The following BCAR3 variants were observed in gnomAD, a reference collection of about 807,000 sequenced individuals.
BCAR3 encodes BCAR3 adaptor protein, NSP family member.
In BCAR3, 37 loss-of-function variants were observed where a neutral mutation model predicts 80.1. The ratio of observed to expected loss-of-function variants is 0.46; its 90% CI spans 0.36 to 0.61. The LOEUF (loss-of-function observed/expected upper bound fraction) is 0.61, where lower values mean the gene tolerates loss of function less well. BCAR3 is among the 20% of genes least tolerant of loss of function. The probability of loss-of-function intolerance (pLI) is 0.00; values close to 1 mark genes in which losing one functional copy is unlikely to be tolerated. For missense variants in BCAR3, 978 were observed against 1,068.2 expected, an observed-to-expected ratio of 0.92 and a Z score of 1.18; for synonymous variants, 389 against 418.9, an observed-to-expected ratio of 0.93 and a Z score of 0.87.
chr1:93,625,081 G>A (rs187353621), intron 3 of BCAR3, among the ~76,000 whole-genome samples: 5 of 152,284 alleles, frequency 3.3e-5, no homozygotes, highest in Admixed American at 2.6e-4. Flanking sequence ...CATGGTGGCG[G>A]GGGCCTGTAG....
chr1:93,846,352 C>A (rs904820727), intron 1 of BCAR3, among the ~76,000 whole-genome samples: 1 of 152,196 alleles, frequency 6.6e-6, no homozygotes, highest in Non-Finnish European at 1.5e-5. Flanking sequence ...GCCCAGCGGC[C>A]GCCCTGCGAA....
At chr1:93,665,124 G>A (rs1177377970) in intron 2 of BCAR3, among the ~76,000 whole-genome samples, 2 of 152,078 alleles carry the variant, frequency 1.3e-5, no homozygotes, top group Non-Finnish European at 1.5e-5. Flanking sequence ...CATCCTCAAC[G>A]TGGCCACCTA....
At chr1:93,678,259 A>G (rs1476140548) in intron 1 of BCAR3, among the ~76,000 whole-genome samples, 1 of 152,242 alleles carries the variant, frequency 6.6e-6, no homozygotes, top group Non-Finnish European at 1.5e-5. Flanking sequence ...CAATTGAGTC[A>G]TAATTGTTTA....
At chr1:93,697,705 C>T (rs563903566) in intron 3 of BCAR3, among the ~76,000 whole-genome samples, 4 of 152,188 alleles carry the variant, frequency 2.6e-5, no homozygotes, top group South Asian at 2.1e-4. Context: ...CTAGGCCGGG[C>T]GTGGTGACTC....
intron 2 of BCAR3, among the ~76,000 whole-genome samples, chr1:93,643,483 T>C (rs1571000444): frequency 1.5e-5 from 2 of 137,104 alleles, no homozygotes; most frequent in South Asian, 4.5e-4. Flanking sequence ...GAGGCGGAGG[T>C]TGCAATGAGC....
chr1:93,766,306 G>A (rs1315484553), intron 2 of BCAR3, among the ~76,000 whole-genome samples: 1 of 152,244 alleles, frequency 6.6e-6, no homozygotes, highest in Non-Finnish European at 1.5e-5. Context: ...TTGTAGAGAA[G>A]TGATGACTTG....
chr1:93,571,500 GAA>G (rs200297271), intron 9 of BCAR3, 168 bp downstream of exon 9: 9 of 726,272 alleles, frequency 1.2e-5, no homozygotes, highest in Non-Finnish European at 1.5e-5. Flanking sequence ...TCTCAAAAAA[GAA>G]AAAAAAAAGT....
At chr1:93,732,028 C>G (rs897784290) in intron 2 of BCAR3, among the ~76,000 whole-genome samples, 2 of 152,230 alleles carry the variant, frequency 1.3e-5, no homozygotes, top group African/African-American at 2.4e-5. Flanking sequence ...GCGTGGACAG[C>G]TGACTGTCCA....
chr1:93,725,937 C>T (rs1213220036), intron 2 of BCAR3, among the ~76,000 whole-genome samples: 2 of 152,152 alleles, frequency 1.3e-5, no homozygotes, highest in Non-Finnish European at 2.9e-5. Flanking sequence ...TATTCTGTTC[C>T]ATTGGCCAGT....
intron 3 of BCAR3, among the ~76,000 whole-genome samples, chr1:93,701,942 T>C (rs1649657215): frequency 6.6e-6 from 1 of 152,070 alleles, no homozygotes; most frequent in African/African-American, 2.4e-5. Context: ...GGGCACCACA[T>C]AGAGAAGGGC....
intron 2 of BCAR3, among the ~76,000 whole-genome samples, chr1:93,736,171 T>G (rs1434678946): frequency 6.6e-6 from 1 of 152,184 alleles, no homozygotes; most frequent in Admixed American, 6.5e-5. Context: ...TGAAGAGATG[T>G]GATAAGAAGT....
intron 2 of BCAR3, among the ~76,000 whole-genome samples, chr1:93,762,199 C>T (rs1354778660): frequency 6.6e-6 from 1 of 152,228 alleles, no homozygotes; most frequent in Non-Finnish European, 1.5e-5. Flanking sequence ...AGACACATCT[C>T]ACTCCTCCAT....
At chr1:93,840,165 A>C in intron 2 of BCAR3, among the ~76,000 whole-genome samples, 1 of 152,168 alleles carries the variant, frequency 6.6e-6, no homozygotes, top group Admixed American at 6.5e-5. Context: ...GTAGAGTTTG[A>C]AGACCGCTAG....
At chr1:93,577,710 T>C (rs1489753788) in intron 7 of BCAR3, among the ~76,000 whole-genome samples, 3 of 152,344 alleles carry the variant, frequency 2.0e-5, no homozygotes, top group South Asian at 4.1e-4. Context: ...CATGCACGCT[T>C]CCTCGCATAT....
At chr1:93,713,114 T>C (rs756436727) in intron 2 of BCAR3, among the ~76,000 whole-genome samples, 1 of 152,248 alleles carries the variant, frequency 6.6e-6, no homozygotes, top group African/African-American at 2.4e-5. Context: ...GATATGTGGC[T>C]AGTATGACTG....
chr1:93,805,586 A>AG (rs11374179), intron 2 of BCAR3, among the ~76,000 whole-genome samples: 152,287 of 152,292 alleles, frequency 1, 76,141 homozygotes, highest in Middle Eastern at 1. Context: ...TCCTGCCTTT[A>AG]GGACCCTCAA....
intron 3 of BCAR3, among the ~76,000 whole-genome samples, chr1:93,610,694 C>A (rs971353057): frequency 3.9e-5 from 6 of 152,086 alleles, no homozygotes; most frequent in African/African-American, 1.4e-4. Context: ...ACCTGTAATC[C>A]CAGCACTTTG....
intron 2 of BCAR3, among the ~76,000 whole-genome samples, chr1:93,659,621 T>C (rs1441397180): frequency 1.3e-5 from 2 of 152,096 alleles, no homozygotes; most frequent in Non-Finnish European, 2.9e-5. Context: ...ATAAGGTTAT[T>C]ACATGGGACA....
intron 2 of BCAR3, among the ~76,000 whole-genome samples, chr1:93,751,959 T>C (rs1651571146): frequency 6.6e-6 from 1 of 152,236 alleles, no homozygotes. Flanking sequence ...TGATTTTGAA[T>C]GTCTTTAGGA....
Sources: gnomAD v4.1 joint callset for allele counts (sites outside exome capture counted in the v4.1 genomes callset) on GRCh38, gnomAD v4.1.1 for gene constraint, MANE v1.5 for transcripts, NCBI Gene and HGNC (gene_info 2026-07-23, HGNC 2026-07-21) for gene names.